The following TLK1 variants were observed in gnomAD, a reference collection of about 807,000 sequenced individuals.
TLK1 encodes the protein tousled like kinase 1, also known as serine/threonine-protein kinase tousled-like 1.
Under a neutral mutation model 105.3 loss-of-function variants are expected in TLK1, and 24 were observed. That is an observed-to-expected ratio of 0.23 (90% CI 0.17 to 0.32). TLK1 has a LOEUF of 0.32. Ranked by LOEUF, TLK1 falls within the 10% of genes least tolerant of loss-of-function variation. The pLI is 1.00. For synonymous variants in TLK1, 321 were observed against 310.4 expected (o/e 1.03, Z -0.36); for missense variants, 558 against 910.5 (o/e 0.61, Z 4.98).
intron 1 of TLK1, among the ~76,000 whole-genome samples, chr2:171,149,381 A>G (rs1294227374): frequency 1.3e-5 from 2 of 152,172 alleles, no homozygotes; most frequent in Non-Finnish European, 1.5e-5. Context: ...ATCTACAGAT[A>G]AGGCATTGAG....
At chr2:171,223,768 C>T (rs1558997206) in intron 1 of TLK1, among the ~76,000 whole-genome samples, 1 of 151,842 alleles carries the variant, frequency 6.6e-6, no homozygotes, top group Non-Finnish European at 1.5e-5. Context: ...GCATGAGCCA[C>T]CACTCCCAGC....
At chr2:171,023,891 T>C (rs1487855865) in intron 12 of TLK1, among the ~76,000 whole-genome samples, 2 of 152,164 alleles carry the variant, frequency 1.3e-5, no homozygotes, top group Non-Finnish European at 1.5e-5. Flanking sequence ...CAAAGATAAA[T>C]TGTTTTCCCA....
chr2:171,182,820 T>C (rs75120547), intron 1 of TLK1, among the ~76,000 whole-genome samples: 6,791 of 150,854 alleles, frequency 0.045, 444 homozygotes, highest in East Asian at 0.29. Context: ...CATCCAGAGG[T>C]TGAGGCAGGA....
At chr2:171,087,793 A>G (rs977696175) in intron 2 of TLK1, among the ~76,000 whole-genome samples, 4 of 152,248 alleles carry the variant, frequency 2.6e-5, no homozygotes, top group African/African-American at 9.6e-5. Context: ...CTGGAGGCCA[A>G]CTTCACTCTG....
chr2:171,138,453 G>C (rs1575621634), intron 1 of TLK1, among the ~76,000 whole-genome samples: 2 of 152,240 alleles, frequency 1.3e-5, no homozygotes, highest in East Asian at 1.9e-4. Flanking sequence ...GCAGCATTTG[G>C]AGGACAGTAC....
intron 2 of TLK1, among the ~76,000 whole-genome samples, chr2:171,110,366 G>A (rs1213797539): frequency 6.6e-6 from 1 of 152,232 alleles, no homozygotes; most frequent in Non-Finnish European, 1.5e-5. Context: ...CTACTCGGGA[G>A]GCTGAGGCAG....
At chr2:171,191,059 C>T (rs1693137138) in intron 1 of TLK1, among the ~76,000 whole-genome samples, 1 of 151,808 alleles carries the variant, frequency 6.6e-6, no homozygotes, top group Non-Finnish European at 1.5e-5. Flanking sequence ...ACTAGGGAGG[C>T]TGAGGCAGGA....
chr2:171,066,825 T>C (rs529019171), intron 3 of TLK1: 1 of 1,550,036 alleles, frequency 6.5e-7, no homozygotes, highest in Non-Finnish European at 8.7e-7. Flanking sequence ...TTGAACTTTC[T>C]CCCCTACTCA....
chr2:171,135,311 GTGTGTGTGTATATA>G (rs1185211054), intron 1 of TLK1, among the ~76,000 whole-genome samples: 4 of 147,848 alleles, frequency 2.7e-5, no homozygotes, highest in African/African-American at 7.5e-5. Flanking sequence ...GTTTGTGTGT[GTGTGTGTGTATATA>G]TATATATATA....
chr2:171,061,056 C>A, intron 4 of TLK1, 25 bp downstream of exon 4: 1 of 1,605,894 alleles, frequency 6.2e-7, no homozygotes, highest in Non-Finnish European at 8.5e-7. Context: ...CCACTAGGCT[C>A]TGAAGGAAGA....
intron 1 of TLK1, among the ~76,000 whole-genome samples, chr2:171,154,078 T>TG (rs2105602077): frequency 6.6e-6 from 1 of 151,590 alleles, no homozygotes; most frequent in South Asian, 2.1e-4. Flanking sequence ...CTAACTTTTT[T>TG]TTTTTTTTGA....
chr2:171,095,454 A>G (rs1209644509), intron 2 of TLK1, among the ~76,000 whole-genome samples: 3 of 152,208 alleles, frequency 2.0e-5, no homozygotes. Context: ...GACTTACAGA[A>G]CTAAGAATTA....
intron 20 of TLK1, 150 bp downstream of exon 20, chr2:170,996,503 C>G: frequency 1.9e-6 from 1 of 522,570 alleles, no homozygotes; most frequent in Non-Finnish European, 3.3e-6. Context: ...GCAACTCCTT[C>G]TCTGAAAGTA....
intron 1 of TLK1, among the ~76,000 whole-genome samples, chr2:171,187,821 G>C (rs752608798): frequency 1.3e-5 from 2 of 152,182 alleles, no homozygotes; most frequent in Non-Finnish European, 2.9e-5. Flanking sequence ...TTATATAGAG[G>C]CATTCATTAA....
chr2:171,210,738 A>G (rs143555314), intron 1 of TLK1, among the ~76,000 whole-genome samples: 80 of 152,322 alleles, frequency 5.3e-4, no homozygotes, highest in African/African-American at 1.9e-3. Context: ...AGACTAAACT[A>G]AACTAGGACA....
intron 8 of TLK1, 87 bp downstream of exon 8, chr2:171,053,674 T>C: frequency 9.0e-7 from 1 of 1,113,042 alleles, no homozygotes; most frequent in Non-Finnish European, 1.3e-6. Context: ...CTACAGATTT[T>C]TTTACAATGC....
chr2:171,165,159 G>C (rs2105298806), upstream of TLK1, among the ~76,000 whole-genome samples: 1 of 152,348 alleles, frequency 6.6e-6, no homozygotes, highest in East Asian at 1.9e-4. Context: ...GGGAAAGCCA[G>C]CTTGAGAACA....
At chr2:171,044,888 G>C (rs1240246229) in intron 11 of TLK1, among the ~76,000 whole-genome samples, 1 of 152,136 alleles carries the variant, frequency 6.6e-6, no homozygotes. Flanking sequence ...TTTAGCATCA[G>C]GAAGATAATC....
At chr2:171,100,559 C>G (rs1342445161) in intron 2 of TLK1, among the ~76,000 whole-genome samples, 1 of 152,134 alleles carries the variant, frequency 6.6e-6, no homozygotes, top group Non-Finnish European at 1.5e-5. Context: ...AACCTCGCAG[C>G]CTGCAGAGCC....
Sources: allele counts gnomAD v4.1 joint callset (sites outside exome capture counted in the v4.1 genomes callset), GRCh38; gene constraint gnomAD v4.1.1; transcripts MANE v1.5; gene names NCBI Gene and HGNC (gene_info 2026-07-23, HGNC 2026-07-21).